PPP2R2C: variants seen among roughly 807,000 people sequenced by gnomAD.
PPP2R2C encodes the protein protein phosphatase 2, regulatory subunit B, gamma.
PPP2R2C carries 10 observed loss-of-function variants against 45.3 expected under a neutral mutation model. That is an observed-to-expected ratio of 0.22 (90% CI 0.14 to 0.37). PPP2R2C has a LOEUF of 0.37. Ranked by LOEUF, PPP2R2C falls within the 10% of genes least tolerant of loss-of-function variation. The probability of loss-of-function intolerance (pLI) is 1.00; values close to 1 mark genes in which losing one functional copy is unlikely to be tolerated. For synonymous variants in PPP2R2C, 257 were observed against 245.4 expected (o/e 1.05, Z -0.44); for missense variants, 308 against 619.7 (o/e 0.50, Z 5.34).
At chr4:6,449,655 A>T (rs1720634649) in intron 1 of PPP2R2C, among the ~76,000 whole-genome samples, 1 of 152,208 alleles carries the variant, frequency 6.6e-6, no homozygotes, top group African/African-American at 2.4e-5. Context: ...CAAATCTCTA[A>T]GTCCCCAAGC....
intron 1 of PPP2R2C, among the ~76,000 whole-genome samples, chr4:6,409,807 C>G (rs1357692917): frequency 2.0e-5 from 3 of 152,158 alleles, no homozygotes; most frequent in African/African-American, 7.2e-5. Flanking sequence ...AGGGAACATG[C>G]CCCGCTCCCC....
In PPP2R2C at chr4:6,333,794, G is replaced by A. The variant is rs574936931; in HGVS notation, c.791-63C>T. On this transcript the variant is annotated intron_variant, in intron 6 of 8. Coordinates refer to ENST00000382599, the MANE Select transcript of PPP2R2C (RefSeq NM_020416.4). ...CTCCCGCCCATGGGGTTGGCACGACGGATGACTCTGTTTTGCACCTGGGCC... is the reference window on the plus strand; with the variant it reads ...CTCCCGCCCATGGGGTTGGCACGACAGATGACTCTGTTTTGCACCTGGGCC... The A allele has an allele frequency of 1.6e-5, 25 of 1,573,598 alleles. 2 individuals are homozygous for A. The South Asian group carries it at 1.8e-4, about 12-fold the overall frequency.
At chr4:6,357,208 C>G (rs752815663) in intron 5 of PPP2R2C, among the ~76,000 whole-genome samples, 32 of 152,186 alleles carry the variant, frequency 2.1e-4, no homozygotes, top group African/African-American at 7.5e-4. Flanking sequence ...GAGAAAGTCA[C>G]AGCTGCAGTC....
chr4:6,500,057 T>C lies in PPP2R2C; in HGVS notation c.49+35214A>G, dbSNP rs369439276. On this transcript the variant is annotated intron_variant, in intron 2 of 9. Transcript: ENST00000506140. ...AAACTTCTGGCTTTTTTCACCACTG[T>C]GTCCCCAGGCTAGAAATGTTTGTTC... 8.5e-5 allele frequency among the ~76,000 whole-genome samples: 13 copies of C among 152,378 alleles called. No homozygotes were observed. The East Asian group carries it at 2.1e-3, about 25-fold the overall frequency.
At chr4:6,513,083 G>A (rs1190486682) in intron 2 of PPP2R2C, among the ~76,000 whole-genome samples, 1 of 152,142 alleles carries the variant, frequency 6.6e-6, no homozygotes, top group Non-Finnish European at 1.5e-5. Context: ...CTGCAGCCAG[G>A]ATAATTTGAT....
chr4:6,539,864 C>T (rs924338334), intron 1 of PPP2R2C, among the ~76,000 whole-genome samples: 1 of 152,156 alleles, frequency 6.6e-6, no homozygotes, highest in Non-Finnish European at 1.5e-5. Context: ...TCCCCAAGCC[C>T]GTGCAGCTGT....
chr4:6,487,690 G>T (rs143829903), intron 2 of PPP2R2C, among the ~76,000 whole-genome samples: 6 of 151,892 alleles, frequency 4.0e-5, no homozygotes, highest in African/African-American at 9.6e-5. Flanking sequence ...CCTTAGTGTG[G>T]TTTTTTCCCA....
intron 2 of PPP2R2C, among the ~76,000 whole-genome samples, chr4:6,491,070 G>C (rs1722686372): frequency 6.6e-6 from 1 of 152,182 alleles, no homozygotes; most frequent in South Asian, 2.1e-4. Flanking sequence ...GCCCTGCTCT[G>C]TGTCACTCAC....
chr4:6,326,323 C>A (rs1020754717), intron 8 of PPP2R2C, among the ~76,000 whole-genome samples: 3 of 152,206 alleles, frequency 2.0e-5, no homozygotes, highest in Non-Finnish European at 4.4e-5. Flanking sequence ...AAAAAAACAG[C>A]CCTAGGGATA....
chr4:6,393,325 T>C (rs766349343), intron 1 of PPP2R2C, among the ~76,000 whole-genome samples: 2 of 152,232 alleles, frequency 1.3e-5, no homozygotes, highest in African/African-American at 2.4e-5. Flanking sequence ...TTTGCATAAA[T>C]AGAATCATAC....
chr4:6,357,081 G>T (rs1441401055), intron 5 of PPP2R2C, among the ~76,000 whole-genome samples: 1 of 148,970 alleles, frequency 6.7e-6, no homozygotes, highest in East Asian at 2.0e-4. Context: ...GGCAGGGAAA[G>T]GCTGTCAGGT....
intron 1 of PPP2R2C, among the ~76,000 whole-genome samples, chr4:6,437,823 A>G (rs553845792): frequency 1.5e-4 from 23 of 152,288 alleles, no homozygotes; most frequent in Admixed American, 1.4e-3. Context: ...ATCTCATTCA[A>G]TCCTCAACAC....
At chr4:6,326,980 C>T (rs1233932935) in intron 8 of PPP2R2C, among the ~76,000 whole-genome samples, 1 of 152,218 alleles carries the variant, frequency 6.6e-6, no homozygotes, top group Non-Finnish European at 1.5e-5. Context: ...TGGGGGGAAT[C>T]CTTGCTTCTC....
chr4:6,532,032 TG>T (rs1371958348), intron 2 of PPP2R2C, among the ~76,000 whole-genome samples: 1 of 152,224 alleles, frequency 6.6e-6, no homozygotes, highest in African/African-American at 2.4e-5. Context: ...TCCAGTGCTT[TG>T]CAAAGGGCAG....
rs911953647 is a variant in PPP2R2C, at chr4:6,330,675, T to C, written c.961-1322A>G. On this transcript the variant is annotated intron_variant, in intron 7 of 8. Transcript: ENST00000382599. This position sits in a 1 kb window ranked among gnomAD's most constrained non-coding sequence, Gnocchi z 7.0. ...TGAGCTAATTCCTTCAAATCTCCCT[T>C]CTTTCTCAGTCTCTATCCCCATCCT... 6.6e-6 allele frequency among the ~76,000 whole-genome samples: 1 copy of C among 152,172 alleles called. No homozygotes were observed. Among genetic ancestry groups the C allele is most frequent in the Non-Finnish European group, 1.5e-5 (1 of 68,028 alleles).
intron 2 of PPP2R2C, among the ~76,000 whole-genome samples, chr4:6,491,487 AG>A (rs1460497433): frequency 6.6e-6 from 1 of 152,218 alleles, no homozygotes; most frequent in East Asian, 1.9e-4. Flanking sequence ...TGAGAACCAA[AG>A]AAGTGATGAT....
At chr4:6,394,284 A>G (rs1187850438) in intron 1 of PPP2R2C, among the ~76,000 whole-genome samples, 5 of 152,202 alleles carry the variant, frequency 3.3e-5, no homozygotes, top group African/African-American at 7.2e-5. Context: ...CAGTTTCCTA[A>G]TCTCTAAAAT....
intron 1 of PPP2R2C, among the ~76,000 whole-genome samples, chr4:6,447,116 T>C (rs1720463824): frequency 6.6e-6 from 1 of 152,042 alleles, no homozygotes; most frequent in African/African-American, 2.4e-5. Context: ...GGACCAGGCC[T>C]TGGGGGTCCC....
intron 1 of PPP2R2C, among the ~76,000 whole-genome samples, chr4:6,545,598 C>T (rs866222645): frequency 1.3e-5 from 2 of 152,330 alleles, no homozygotes; most frequent in Middle Eastern, 3.4e-3. Context: ...CCAGCTCAGA[C>T]ATGAATGCAC....
Sources: allele counts gnomAD v4.1 joint callset (sites outside exome capture counted in the v4.1 genomes callset), GRCh38; gene constraint gnomAD v4.1.1; non-coding constraint Gnocchi (gnomAD v3.1); transcripts MANE v1.5; gene names NCBI Gene and HGNC (gene_info 2026-07-23, HGNC 2026-07-21).